Variants in CCSER1 observed in about 807,000 individuals in gnomAD.
CCSER1 encodes the protein serine-rich coiled-coil domain-containing protein 1.
A neutral mutation model predicts 82.0 loss-of-function variants in CCSER1; 41 were observed. The ratio of observed to expected loss-of-function variants is 0.50; its 90% CI spans 0.39 to 0.65. The LOEUF is 0.65. Among genes scored for constraint, CCSER1 ranks in the 30% least tolerant of loss-of-function variants. The pLI is 0.00. For synonymous variants in CCSER1, 414 were observed against 383.9 expected (o/e 1.08, Z -0.92); for missense variants, 1,119 against 1,064.2 (o/e 1.05, Z -0.72).
intron 7 of CCSER1, among the ~76,000 whole-genome samples, chr4:90,808,801 A>C (rs1757856019): frequency 6.6e-6 from 1 of 152,196 alleles, no homozygotes; most frequent in Non-Finnish European, 1.5e-5. Context: ...TGAGACTATA[A>C]ATTAGTACAA....
At chr4:90,169,398 G>C (rs923300065) in intron 1 of CCSER1, among the ~76,000 whole-genome samples, 4 of 151,962 alleles carry the variant, frequency 2.6e-5, no homozygotes, top group Admixed American at 2.6e-4. Context: ...GGGTTTTCTA[G>C]GTATACAATC....
chr4:91,148,753 C>A (rs114796287), intron 10 of CCSER1, among the ~76,000 whole-genome samples: 2 of 152,188 alleles, frequency 1.3e-5, no homozygotes, highest in East Asian at 1.9e-4. Flanking sequence ...TCTATTCTTA[C>A]GATAGTTTGC....
At chr4:90,476,122 C>T (rs1765066881) in intron 5 of CCSER1, among the ~76,000 whole-genome samples, 2 of 152,078 alleles carry the variant, frequency 1.3e-5, no homozygotes, top group Middle Eastern at 3.4e-3. Context: ...CTCACATAAC[C>T]TGGATTTATC....
intron 9 of CCSER1, among the ~76,000 whole-genome samples, chr4:90,932,990 A>AG (rs1348128730): frequency 2.1e-5 from 1 of 48,490 alleles, no homozygotes; most frequent in Non-Finnish European, 3.9e-5. Context: ...AAGAGAAAGA[A>AG]AGAAAGAAAG....
chr4:90,493,541 C>G (rs1436357340), intron 5 of CCSER1, among the ~76,000 whole-genome samples: 1 of 152,122 alleles, frequency 6.6e-6, no homozygotes, highest in Non-Finnish European at 1.5e-5. Flanking sequence ...CAAAGGGAAG[C>G]CCATCAGACT....
intron 10 of CCSER1, among the ~76,000 whole-genome samples, chr4:91,340,177 A>T: frequency 6.6e-6 from 1 of 152,330 alleles, no homozygotes; most frequent in East Asian, 1.9e-4. Context: ...AACCGTATCT[A>T]ATAATAAAAT....
intron 9 of CCSER1, among the ~76,000 whole-genome samples, chr4:90,947,469 G>C (rs1732394955): frequency 6.6e-6 from 1 of 151,946 alleles, no homozygotes; most frequent in South Asian, 2.1e-4. Context: ...ATATTCTCCA[G>C]CTATGTTTCA....
chr4:91,241,968 A>G (rs1396032669), intron 10 of CCSER1, among the ~76,000 whole-genome samples: 1 of 119,090 alleles, frequency 8.4e-6, no homozygotes, highest in Admixed American at 7.7e-5. Flanking sequence ...CTGTGTGCGT[A>G]TATATATATA....
chr4:91,491,963 T>TTC (rs1416538339), intron 10 of CCSER1, among the ~76,000 whole-genome samples: 1 of 151,600 alleles, frequency 6.6e-6, no homozygotes, highest in Non-Finnish European at 1.5e-5. Context: ...TTTTTTTTTT[T>TTC]TTTGCAATGC....
chr4:91,040,151 T>A (rs1461604), intron 9 of CCSER1, among the ~76,000 whole-genome samples: 70,027 of 151,918 alleles, frequency 0.46, 16,502 homozygotes, highest in East Asian at 0.69. Flanking sequence ...CCAGATACCT[T>A]TTAAGGTAAC....
chr4:91,536,891 G>T (rs1761326256), intron 10 of CCSER1, among the ~76,000 whole-genome samples: 1 of 151,940 alleles, frequency 6.6e-6, no homozygotes, highest in African/African-American at 2.4e-5. Flanking sequence ...GAACTCCTAA[G>T]ATTTCAGGAT....
rs1742600281 is a variant in CCSER1 at position 91,047,344 on chromosome 4, A to G, written c.2173-38606A>G. On this transcript the variant is annotated intron_variant, in intron 9 of 10. Transcript: ENST00000509176. ...ACTTAGCTTCTAGCTCACCATTTTC[A>G]ATACCTATTTATTTAGATATGTATG... 3.3e-5 allele frequency among the ~76,000 whole-genome samples: 5 copies of G among 152,310 alleles called. No homozygotes were observed. In the South Asian group the frequency reaches 1.0e-3, roughly 32 times the overall value.
intron 5 of CCSER1, among the ~76,000 whole-genome samples, chr4:90,615,101 A>C (rs953083485): frequency 6.6e-6 from 1 of 152,204 alleles, no homozygotes; most frequent in Non-Finnish European, 1.5e-5. Context: ...TGATTACAAC[A>C]TGGAACACTG....
chr4:91,568,434 A>C (rs939704532), intron 10 of CCSER1, among the ~76,000 whole-genome samples: 9 of 152,104 alleles, frequency 5.9e-5, no homozygotes, highest in Non-Finnish European at 1.3e-4. Context: ...GATATCCTGA[A>C]TTATGTTTTC....
At chr4:90,232,115 A>C (rs1669009338) in intron 1 of CCSER1, among the ~76,000 whole-genome samples, 1 of 152,218 alleles carries the variant, frequency 6.6e-6, no homozygotes, top group South Asian at 2.1e-4. Context: ...AGAATTGGAA[A>C]AAACTACTTT....
At position 91,179,535 on chromosome 4, in the gene CCSER1, G is replaced by A. The variant is rs139693506; in HGVS notation, c.2217+93541G>A. 2.5e-3 allele frequency among the ~76,000 whole-genome samples: 382 copies of A among 152,120 alleles called. 1 individual carries two copies. The highest frequency in any genetic ancestry group is 0.02 in the Middle Eastern group (6 of 294). On this transcript the variant is annotated intron_variant, in intron 10 of 10. Coordinates refer to ENST00000509176, the MANE Select transcript of CCSER1 (RefSeq NM_001145065.2). Reference sequence around the variant, plus strand: ...GTTTTTTCTCTAAACTTCTCCTCTCGCTTCATTTCATTCATTTGGTCTTCG... The same window carrying A: ...GTTTTTTCTCTAAACTTCTCCTCTCACTTCATTTCATTCATTTGGTCTTCG...
At chr4:90,826,310 T>G (rs917519894) in intron 8 of CCSER1, among the ~76,000 whole-genome samples, 12 of 152,184 alleles carry the variant, frequency 7.9e-5, no homozygotes, top group Non-Finnish European at 1.6e-4. Context: ...CTCCTTTATT[T>G]AACTGTATGT....
intron 10 of CCSER1, among the ~76,000 whole-genome samples, chr4:91,145,622 C>T (rs147033496): frequency 3.9e-5 from 6 of 152,162 alleles, no homozygotes; most frequent in Non-Finnish European, 7.4e-5. Flanking sequence ...AATCTCTCTT[C>T]GGCGTCACTG....
At chr4:90,657,020 A>G (rs1034469439) in intron 6 of CCSER1, among the ~76,000 whole-genome samples, 3 of 152,092 alleles carry the variant, frequency 2.0e-5, no homozygotes, top group African/African-American at 7.2e-5. Flanking sequence ...TTACCTAAAT[A>G]TATGCCATTT....
Sources: gnomAD v4.1 joint callset for allele counts (sites outside exome capture counted in the v4.1 genomes callset) on GRCh38, gnomAD v4.1.1 for gene constraint, MANE v1.5 for transcripts, NCBI Gene and HGNC (gene_info 2026-07-23, HGNC 2026-07-21) for gene names.